The following MICAL3 variants were observed in gnomAD, a reference collection of about 807,000 sequenced individuals.
MICAL3 encodes the protein [F-actin]-monooxygenase MICAL3.
Under a neutral mutation model 207.4 loss-of-function variants are expected in MICAL3, and 62 were observed. The observed-to-expected ratio is 0.30, with a 90% CI of 0.24 to 0.37. The LOEUF is 0.37. Ranked by LOEUF, MICAL3 falls within the 10% of genes least tolerant of loss-of-function variation. The pLI is 1.00. For synonymous variants in MICAL3, 1,077 were observed against 1,069.3 expected (o/e 1.01, Z -0.14); for missense variants, 2,368 against 2,635.6 (o/e 0.90, Z 2.22).
rs143508044 is a variant in MICAL3, at chr22:17,877,986, G to A, written c.2242-5963C>T. On this transcript the variant is annotated intron_variant, in intron 16 of 31. Coordinates refer to ENST00000441493, the MANE Select transcript of MICAL3 (RefSeq NM_015241.3). ...TCCTGCCTCAGCCTCCCCAGTGGCG[G>A]AGACTACAGGCACCCGCCACCATGC... is the stretch of plus-strand genomic sequence containing the variant. Among the ~76,000 whole-genome samples, 705 of 152,254 alleles carry A rather than the reference G, an allele frequency of 4.6e-3. 5 individuals are homozygous for A. The highest frequency in any genetic ancestry group is 0.016 in the African/African-American group (671 of 41,532).
At chr22:18,020,845 C>T (rs546997177) in intron 1 of MICAL3, among the ~76,000 whole-genome samples, 19 of 151,454 alleles carry the variant, frequency 1.3e-4, no homozygotes, top group Admixed American at 2.0e-4. Context: ...ACCTGGGAAG[C>T]GGAGGCTGCA....
rs1209868955 is a variant in MICAL3, at chr22:17,831,893, C to T, written c.3016G>A (p.Glu1006Lys). The change falls in exon 21 of 32, where the codon GAG (glutamate) becomes AAG (lysine). Residue 1006 changes from glutamate (E) to lysine (K), a missense_variant. Glu to Lys is a moderately conservative substitution (Grantham distance 56). Coordinates refer to ENST00000441493, the MANE Select transcript of MICAL3 (RefSeq NM_015241.3). ...EEEEEYEEEE[E>K]EDYDEEEEES... Reference sequence around the variant, plus strand: ...TCCTCCTCCTCGTCATAGTCCTCCTCCTCCTCCTCTTCATATTCTTCCTCC... The same window carrying T: ...TCCTCCTCCTCGTCATAGTCCTCCTTCTCCTCCTCTTCATATTCTTCCTCC... 6.4e-7 allele frequency: 1 copy of T among 1,555,280 alleles called. No homozygotes were observed. Among genetic ancestry groups the T allele is most frequent in the Admixed American group, 2.0e-5 (1 of 51,238 alleles).
At chr22:17,827,897 G>A in intron 21 of MICAL3, 116 bp from the exon 22 acceptor site, 1 of 1,123,660 alleles carries the variant, frequency 8.9e-7, no homozygotes, top group South Asian at 1.6e-5. Context: ...GTATGAATCA[G>A]AAAGAAGTAA....
At position 17,818,823 on chromosome 22, in the gene MICAL3, T is replaced by A. The variant is rs747347926; in HGVS notation, c.3838A>T (p.Ile1280Leu). 1.5e-6 allele frequency: 2 copies of A among 1,330,960 alleles called. No homozygotes were observed. Among genetic ancestry groups the A allele is most frequent in the South Asian group, 2.6e-5 (2 of 76,008 alleles). The allele number at this position is 1,330,960 out of a possible 1,614,324, so 82.4% of individuals were successfully genotyped here. A position where few individuals can be genotyped will look rare whatever the true frequency, so the allele number is the denominator to read the frequency against. Residue 1280 changes from isoleucine (I) to leucine (L), a missense_variant, in exon 26 of 32, where the codon ATA becomes TTA. By Grantham distance (5) the Ile-to-Leu change is conservative. Around this residue, in one of 4 missense-constraint regions of MICAL3, gnomAD observed 1,770 missense variants for 1,863.2 expected, o/e 0.95. Coordinates refer to ENST00000441493, the MANE Select transcript of MICAL3 (RefSeq NM_015241.3). ...ATVPSPTQSP[I>L]RFQPAPAKTS... ...TTGGCCGGGGCAGGCTGGAAGCGTA[T>A]GGGGGACTGGGTAGGGGATGGGACA...
chr22:17,971,473 C>T (rs941349826), intron 1 of MICAL3, among the ~76,000 whole-genome samples: 7 of 152,172 alleles, frequency 4.6e-5, no homozygotes, highest in African/African-American at 1.7e-4. Flanking sequence ...GTGCAAGACT[C>T]CATGTCAAAA....
chr22:17,807,522 G>A (rs1394628247), intron 29 of MICAL3, among the ~76,000 whole-genome samples: 1 of 152,210 alleles, frequency 6.6e-6, no homozygotes, highest in African/African-American at 2.4e-5. Context: ...ACAGCATCAG[G>A]TGAGCCCAAA....
chr22:17,954,186 C>T (rs1040864132), intron 1 of MICAL3, among the ~76,000 whole-genome samples: 5 of 152,028 alleles, frequency 3.3e-5, no homozygotes, highest in Non-Finnish European at 7.4e-5. Flanking sequence ...GCGCCTAGAA[C>T]CTGTTAAAGA....
At chr22:17,843,382 G>A (rs1468131062) in intron 19 of MICAL3, among the ~76,000 whole-genome samples, 1 of 152,118 alleles carries the variant, frequency 6.6e-6, no homozygotes, top group African/African-American at 2.4e-5. Context: ...GTCCTCTGGT[G>A]TGTCCCCTGT....
chr22:17,875,538 G>A (rs1297344443), intron 16 of MICAL3: 7 of 1,551,628 alleles, frequency 4.5e-6, no homozygotes, highest in South Asian at 2.4e-5. Flanking sequence ...AAATCGACGA[G>A]GAGGTTCAGG....
chr22:17,904,795 G>A lies in MICAL3; in HGVS notation c.309C>T (p.Ile103=), dbSNP rs749499599. The A allele has an allele frequency of 4.3e-6, 7 of 1,613,972 alleles. No homozygotes were observed. The highest frequency in any genetic ancestry group is 2.2e-5 in the South Asian group (2 of 91,078). Reference sequence around the variant, plus strand: ...CCTTGGCCCCCAGTAAGGATAAGTCGATGGCTGTACGGAGACCACAGGGGC... The same window carrying A: ...CCTTGGCCCCCAGTAAGGATAAGTCAATGGCTGTACGGAGACCACAGGGGC... ...GAGPCGLRTA[I]DLSLLGAKVV... Residue 103 remains isoleucine, a synonymous_variant, in exon 3 of 32, where the codon ATC becomes ATT. Transcript: ENST00000441493.
intron 1 of MICAL3, among the ~76,000 whole-genome samples, chr22:17,988,424 GC>G (rs35321477): frequency 0.59 from 88,927 of 151,966 alleles, 26,498 homozygotes; most frequent in Middle Eastern, 0.71. Flanking sequence ...CAGCCTGCAG[GC>G]CAAAGAATGG....
chr22:17,822,361 C>A (rs1240613704), intron 23 of MICAL3, among the ~76,000 whole-genome samples, 191 bp from the exon 24 acceptor site: 1 of 152,264 alleles, frequency 6.6e-6, no homozygotes, highest in Admixed American at 6.5e-5. Context: ...GCCAAGAGCA[C>A]CCTCCTGCCT....
rs2061799857 is a variant in MICAL3, at chr22:17,787,878, G to A, written c.*2854C>T. On this transcript the variant is annotated 3_prime_UTR_variant, in exon 32 of 32. Coordinates refer to ENST00000441493, the MANE Select transcript of MICAL3 (RefSeq NM_015241.3). ...GGGCAGGCCTGGAAGCCCACGGGGTGCAGCATCCTCAAGCCCAGGGGCGGG... is the reference window on the plus strand; with the variant it reads ...GGGCAGGCCTGGAAGCCCACGGGGTACAGCATCCTCAAGCCCAGGGGCGGG... 6.6e-6 allele frequency: 1 copy of A among 152,280 alleles called. No individual in the cohort carries two copies. The highest frequency in any genetic ancestry group is 1.5e-5 in the Non-Finnish European group (1 of 68,056). The allele number at this position is 152,280 out of a possible 1,614,324, so 9.4% of individuals were successfully genotyped here. A position where few individuals can be genotyped will look rare whatever the true frequency, so the allele number is the denominator to read the frequency against.
intron 16 of MICAL3, chr22:17,884,330 G>A (rs536395227): frequency 4.6e-5 from 73 of 1,596,478 alleles, no homozygotes; most frequent in East Asian, 2.8e-4. Context: ...GCAGCAGGAC[G>A]GCTGGCTGGC....
chr22:17,864,809 T>G, intron 19 of MICAL3, 90 bp downstream of exon 19: 1 of 1,613,918 alleles, frequency 6.2e-7, no homozygotes, highest in African/African-American at 1.3e-5. Flanking sequence ...GAAGAAATGT[T>G]GCTTTGGAGG....
intron 20 of MICAL3, chr22:17,839,560 C>G (rs922888562): frequency 7.6e-6 from 1 of 132,036 alleles, no homozygotes; most frequent in Non-Finnish European, 1.6e-5. Context: ...CCTAGCTGGG[C>G]TCTTCCCTTT....
At chr22:17,873,180 CAG>C (rs1927902827) in intron 16 of MICAL3, among the ~76,000 whole-genome samples, 1 of 152,242 alleles carries the variant, frequency 6.6e-6, no homozygotes, top group Non-Finnish European at 1.5e-5. Flanking sequence ...CGAACGCGCA[CAG>C]AGACAGGCAG....
rs1442701204 is a variant in MICAL3 at position 17,888,656 on chromosome 22, G to C, written c.1891+378C>G. Among the ~76,000 whole-genome samples, 9 of 152,310 alleles carry C rather than the reference G, an allele frequency of 5.9e-5. No individual in the cohort carries two copies. The East Asian group carries it at 1.5e-3, about 26-fold the overall frequency. On this transcript the variant is annotated intron_variant, in intron 13 of 31. Transcript: ENST00000441493. ...AACAGCTGCAGTAGCGCGGTATGAA[G>C]AGAAGCCGGATTATAACCCGTTACA...
chr22:17,849,853 C>A (rs908933108), intron 19 of MICAL3, among the ~76,000 whole-genome samples: 4 of 151,420 alleles, frequency 2.6e-5, no homozygotes, highest in Non-Finnish European at 5.9e-5. Context: ...CGCCATCAGG[C>A]TGGATAATTT....
Sources: allele counts gnomAD v4.1 joint callset (sites outside exome capture counted in the v4.1 genomes callset), GRCh38; gene constraint gnomAD v4.1.1; regional missense constraint gnomAD v4.1.1; transcripts MANE v1.5; gene names NCBI Gene and HGNC (gene_info 2026-07-23, HGNC 2026-07-21).